The following ATP11B variants were observed in gnomAD, a reference collection of about 807,000 sequenced individuals.
The protein encoded by ATP11B is ATPase phospholipid transporting 11B (putative).
ATP11B carries 81 observed loss-of-function variants against 157.8 expected under a neutral mutation model. The observed-to-expected ratio is 0.51, with a 90% CI of 0.43 to 0.62. The LOEUF (loss-of-function observed/expected upper bound fraction) is 0.62, where lower values mean the gene tolerates loss of function less well. Among genes scored for constraint, ATP11B ranks in the 20% least tolerant of loss-of-function variants. The probability of loss-of-function intolerance (pLI) is 0.00; values close to 1 mark genes in which losing one functional copy is unlikely to be tolerated. For synonymous variants in ATP11B, 451 were observed against 469.4 expected (o/e 0.96, Z 0.51); for missense variants, 1,165 against 1,402.2 (o/e 0.83, Z 2.70).
chr3:182,835,983 G>C, intron 4 of ATP11B, 52 bp from the exon 5 acceptor site: 1 of 1,438,314 alleles, frequency 7.0e-7, no homozygotes, highest in Non-Finnish European at 9.5e-7. Context: ...TTTGATAAAA[G>C]TATCTTCAAA....
chr3:182,890,514 A>G (rs1723104862), intron 25 of ATP11B, among the ~76,000 whole-genome samples: 1 of 152,190 alleles, frequency 6.6e-6, no homozygotes. Flanking sequence ...ACTAATAACA[A>G]AATACACCGG....
chr3:182,839,093 A>G (rs971011301), intron 7 of ATP11B, among the ~76,000 whole-genome samples: 8 of 152,190 alleles, frequency 5.3e-5, no homozygotes, highest in Non-Finnish European at 7.3e-5. Context: ...ACAGAATACT[A>G]TGTAGGCACA....
intron 25 of ATP11B, among the ~76,000 whole-genome samples, chr3:182,889,782 A>G (rs1723055201): frequency 3.3e-5 from 5 of 152,178 alleles, no homozygotes; most frequent in African/African-American, 1.2e-4. Flanking sequence ...TTGCTATTCA[A>G]AAATTAGCTC....
At chr3:182,837,615 A>G (rs1718655058) in intron 7 of ATP11B, among the ~76,000 whole-genome samples, 2 of 152,078 alleles carry the variant, frequency 1.3e-5, no homozygotes, top group Admixed American at 1.3e-4. Flanking sequence ...AAAGTTTTCA[A>G]TATTTTACTT....
chr3:182,888,858 CTT>C (rs565378947), intron 24 of ATP11B, among the ~76,000 whole-genome samples: 95 of 124,882 alleles, frequency 7.6e-4, no homozygotes, highest in African/African-American at 1.9e-3. Flanking sequence ...TATCATATTT[CTT>C]TTTTTTTTTT....
intron 7 of ATP11B, among the ~76,000 whole-genome samples, chr3:182,841,756 A>G (rs1484290104): frequency 6.6e-6 from 1 of 151,950 alleles, no homozygotes; most frequent in African/African-American, 2.4e-5. Context: ...AGGTGGGCGG[A>G]TCATGAGGTC....
chr3:182,896,822 T>G, intron 26 of ATP11B, 57 bp downstream of exon 26: 1 of 1,304,898 alleles, frequency 7.7e-7, no homozygotes. Context: ...CATAGTTAGT[T>G]AACTTTCTTC....
intron 1 of ATP11B, among the ~76,000 whole-genome samples, chr3:182,810,419 TA>T (rs1251434587): frequency 6.6e-6 from 1 of 152,244 alleles, no homozygotes; most frequent in South Asian, 2.1e-4. Flanking sequence ...TTAATTTTCA[TA>T]GCAATAGTTT....
intron 25 of ATP11B, among the ~76,000 whole-genome samples, chr3:182,895,112 C>CAAAAAAA: frequency 1.5e-5 from 1 of 68,270 alleles, no homozygotes; most frequent in Non-Finnish European, 2.8e-5. Context: ...GACCCTGACT[C>CAAAAAAA]AAAAAAAAAA....
Position 182,911,628 on chromosome 3 carries a change from G to A in ATP11B, c.3319-2233G>A, listed in dbSNP as rs564667950. Among the ~76,000 whole-genome samples the A allele has an allele frequency of 2.0e-5, 3 of 152,128 alleles. No individual in the cohort carries two copies. The South Asian group carries it at 6.3e-4, about 32-fold the overall frequency. On this transcript the variant is annotated intron_variant, in intron 28 of 29. Transcript: ENST00000323116. Reference sequence around the variant, plus strand: ...CTTACATAGTCACTGGGGCATACGTGGTGAGCACTCCACTAATGTAACTGC... The same window carrying A: ...CTTACATAGTCACTGGGGCATACGTAGTGAGCACTCCACTAATGTAACTGC...
intron 28 of ATP11B, among the ~76,000 whole-genome samples, chr3:182,904,571 ATCTTTAATC>A (rs1202199874): frequency 1.3e-5 from 2 of 152,238 alleles, no homozygotes; most frequent in African/African-American, 4.8e-5. Context: ...GAGCTTTTTA[ATCTTTAATC>A]AAGTTAGTAC....
intron 18 of ATP11B, 44 bp from the exon 19 acceptor site, chr3:182,873,768 C>A: frequency 6.7e-7 from 1 of 1,500,074 alleles, no homozygotes; most frequent in South Asian, 1.1e-5. Flanking sequence ...AAAATACAGT[C>A]ATAAAAGTAT....
intron 4 of ATP11B, chr3:182,830,105 A>G: frequency 3.2e-6 from 1 of 310,780 alleles, no homozygotes; most frequent in Non-Finnish European, 4.7e-6. Flanking sequence ...TTCAAAAGAG[A>G]TATGTTTATA....
At chr3:182,906,212 A>G (rs1724338398) in intron 28 of ATP11B, among the ~76,000 whole-genome samples, 2 of 152,164 alleles carry the variant, frequency 1.3e-5, no homozygotes, top group African/African-American at 4.8e-5. Flanking sequence ...ATTCAAGAAA[A>G]TACTCCTTTT....
intron 10 of ATP11B, among the ~76,000 whole-genome samples, chr3:182,852,813 G>A (rs746578344): frequency 3.3e-5 from 5 of 152,126 alleles, no homozygotes; most frequent in African/African-American, 1.2e-4. Flanking sequence ...GGAAATGTAC[G>A]GAAAAGGAAC....
At chr3:182,866,530 C>G in intron 14 of ATP11B, 87 bp downstream of exon 14, 3 of 1,163,536 alleles carry the variant, frequency 2.6e-6, no homozygotes, top group Non-Finnish European at 3.4e-6. Flanking sequence ...AATTTTCAAA[C>G]ATAAATTCGT....
At position 182,845,486 on chromosome 3, in the gene ATP11B, C is replaced by T. The variant is rs1248938736; in HGVS notation, c.733C>T (p.Arg245Cys). The change falls in exon 9 of 30, where the codon CGT becomes TGT. Residue 245 changes from arginine (R) to cysteine (C), a missense_variant. By Grantham distance (180) the Arg-to-Cys change is radical. Coordinates refer to ENST00000323116, the MANE Select transcript of ATP11B (RefSeq NM_014616.3). ...TCTGGGGCCGGAGAGTCTCCTGCTTCGTGGAGCCAGATTAAAAAACACAAA... is the reference window on the plus strand; with the variant it reads ...TCTGGGGCCGGAGAGTCTCCTGCTTTGTGGAGCCAGATTAAAAAACACAAA... ...RPLGPESLLL[R>C]GARLKNTKEI... is the part of the protein sequence containing the mutation. 1.9e-6 allele frequency: 3 copies of T among 1,596,678 alleles called. No homozygotes were observed. Among genetic ancestry groups the T allele is most frequent in the Non-Finnish European group, 2.6e-6 (3 of 1,175,678 alleles).
At chr3:182,854,500 A>C (rs2108528535) in intron 10 of ATP11B, among the ~76,000 whole-genome samples, 1 of 151,966 alleles carries the variant, frequency 6.6e-6, no homozygotes, top group South Asian at 2.1e-4. Context: ...AACAAAACAA[A>C]AAATACTTTT....
chr3:182,854,987 A>G (rs1720272074), intron 10 of ATP11B, among the ~76,000 whole-genome samples: 1 of 152,246 alleles, frequency 6.6e-6, no homozygotes. Flanking sequence ...TAAAGATGCC[A>G]GATTTCCCAA....
Sources: gnomAD v4.1 joint callset for allele counts (sites outside exome capture counted in the v4.1 genomes callset) on GRCh38, gnomAD v4.1.1 for gene constraint, MANE v1.5 for transcripts, NCBI Gene and HGNC (gene_info 2026-07-23, HGNC 2026-07-21) for gene names.